Variants in ARNT observed in about 807,000 individuals in gnomAD.
The protein encoded by ARNT is class E basic helix-loop-helix protein 2.
Under a neutral mutation model 105.0 loss-of-function variants are expected in ARNT, and 30 were observed. That is an observed-to-expected ratio of 0.29 (90% CI 0.21 to 0.39). ARNT has a LOEUF of 0.39. Ranked by LOEUF, ARNT falls within the 10% of genes least tolerant of loss-of-function variation. The pLI, the probability that ARNT is intolerant of heterozygous loss-of-function variation, is 1.00. For synonymous variants in ARNT, 304 were observed against 344.0 expected (o/e 0.88, Z 1.29); for missense variants, 748 against 978.7 (o/e 0.76, Z 3.15).
chr1:150,871,294 G>GTT (rs754698911), intron 1 of ARNT, among the ~76,000 whole-genome samples: 110 of 94,638 alleles, frequency 1.2e-3, no homozygotes, highest in Non-Finnish European at 1.2e-3. Flanking sequence ...GGCAGTCGTG[G>GTT]TTTTTTTTTT....
intron 2 of ARNT, among the ~76,000 whole-genome samples, chr1:150,854,664 C>T (rs1421907677): frequency 6.6e-6 from 1 of 151,772 alleles, no homozygotes; most frequent in African/African-American, 2.4e-5. Flanking sequence ...CAAGACCAGC[C>T]CAGTCAACAT....
chr1:150,830,200 G>A (rs1477710861), intron 10 of ARNT: 1 of 460,468 alleles, frequency 2.2e-6, no homozygotes, highest in Non-Finnish European at 3.9e-6. Flanking sequence ...ACAAAAATTA[G>A]CCAGGCATGG....
intron 12 of ARNT, among the ~76,000 whole-genome samples, chr1:150,828,763 T>G (rs1658781115): frequency 6.6e-6 from 1 of 152,236 alleles, no homozygotes; most frequent in Admixed American, 6.5e-5. Context: ...CATTATTCAT[T>G]TAGGTAATTA....
At position 150,839,671 on chromosome 1, in the gene ARNT, A is replaced by G; in HGVS notation, c.273-17T>C. 1 of 1,607,332 alleles carries G rather than the reference A, an allele frequency of 6.2e-7. No homozygotes were observed. Among genetic ancestry groups the G allele is most frequent in the Non-Finnish European group, 8.5e-7 (1 of 1,176,624 alleles). Reference sequence around the variant, plus strand: ...TGATTTTCCCTGCATGGAAAGAAAGAGAAGCCCCATCCAGGTGGTCACATC... The same window carrying G: ...TGATTTTCCCTGCATGGAAAGAAAGGGAAGCCCCATCCAGGTGGTCACATC... On this transcript the variant is annotated splice_polypyrimidine_tract_variant and intron_variant, in intron 5 of 21. Transcript: ENST00000358595.
In ARNT at chr1:150,823,311, A is replaced by C; in HGVS notation, c.1277T>G (p.Met426Arg). ...TTGGTTCTTAGACCGGAACCGGAAC[A>C]TGACAGACAGCACTTGGCCTTTTAA... Reference protein sequence around the residue: ...VKLKGQVLSVMFRFRSKNQEW... With the variant: ...VKLKGQVLSVRFRFRSKNQEW... Residue 426 changes from methionine to arginine, a missense_variant, in exon 14 of 22, where the codon ATG becomes AGG. By Grantham distance (91) the Met-to-Arg change is moderately conservative. This residue lies in a region of ARNT where 291 missense variants were observed against 444.6 expected (regional missense o/e 0.65). Coordinates refer to ENST00000358595, the MANE Select transcript of ARNT (RefSeq NM_001668.4). 1.9e-6 allele frequency: 3 copies of C among 1,613,410 alleles called. No homozygotes were observed. The highest frequency in any genetic ancestry group is 2.5e-6 in the Non-Finnish European group (3 of 1,179,378).
At chr1:150,850,165 A>T (rs1369108366) in intron 3 of ARNT, among the ~76,000 whole-genome samples, 1 of 152,186 alleles carries the variant, frequency 6.6e-6, no homozygotes, top group African/African-American at 2.4e-5. Context: ...AGGAGGGCGG[A>T]TCACGAGGTC....
intron 5 of ARNT, among the ~76,000 whole-genome samples, chr1:150,840,679 T>C (rs1052700361): frequency 6.6e-6 from 1 of 151,794 alleles, no homozygotes; most frequent in African/African-American, 2.4e-5. Context: ...ACTGGAGGAG[T>C]GGAATGGAGA....
intron 1 of ARNT, among the ~76,000 whole-genome samples, chr1:150,871,774 G>A (rs1367399777): frequency 6.6e-6 from 1 of 150,560 alleles, no homozygotes; most frequent in Non-Finnish European, 1.5e-5. Flanking sequence ...CCGGCGTGAT[G>A]GCAGGTGCCT....
In ARNT at chr1:150,836,398, A is replaced by T. The variant is rs587645091; in HGVS notation, c.582T>A (p.Thr194=). 6.2e-7 allele frequency: 1 copy of T among 1,614,166 alleles called. No homozygotes were observed. The highest frequency in any genetic ancestry group is 2.2e-5 in the East Asian group (1 of 44,892). The change falls in exon 7 of 22, where the codon ACT becomes ACA. Residue 194 remains threonine, a synonymous_variant. Coordinates refer to ENST00000358595, the MANE Select transcript of ARNT (RefSeq NM_001668.4). The part of the protein sequence containing the change: ...GRVVYVSDSV[T]PVLNQPQSEW... Reference sequence around the variant, plus strand: ...CAGACTGTGGCTGGTTCAAAACAGGAGTCACGGAGTCAGACACATACACCA... The same window carrying T: ...CAGACTGTGGCTGGTTCAAAACAGGTGTCACGGAGTCAGACACATACACCA...
chr1:150,818,075 A>G (rs774134316), intron 14 of ARNT, 45 bp from the exon 15 acceptor site: 5 of 1,004,080 alleles, frequency 5.0e-6, no homozygotes, highest in South Asian at 1.4e-5. Flanking sequence ...GAGAGGGAGG[A>G]AGGGGGGAGA....
At position 150,867,941 on chromosome 1, in the gene ARNT, C is replaced by A. The variant is rs10305657; in HGVS notation, c.25+8602G>T. 7.7e-3 allele frequency among the ~76,000 whole-genome samples: 1,169 copies of A among 152,254 alleles called. 6 individuals are homozygous for A. The highest frequency in any genetic ancestry group is 0.011 in the Non-Finnish European group (717 of 68,020). On this transcript the variant is annotated intron_variant, in intron 1 of 21. Coordinates refer to ENST00000358595, the MANE Select transcript of ARNT (RefSeq NM_001668.4). ...GGCCTCCCCAGCCCTGCCTCCCATA[C>A]AGCCTGCGGAACTATGAGTCAATTA...
chr1:150,875,479 C>T (rs1285491628), intron 1 of ARNT, among the ~76,000 whole-genome samples: 1 of 151,898 alleles, frequency 6.6e-6, no homozygotes, highest in African/African-American at 2.4e-5. Context: ...GTTTTATTTT[C>T]AAGAAATTCT....
intron 19 of ARNT, among the ~76,000 whole-genome samples, chr1:150,814,780 T>C (rs1571168810): frequency 6.6e-6 from 1 of 151,972 alleles, no homozygotes; most frequent in Non-Finnish European, 1.5e-5. Flanking sequence ...GAGACAGAGG[T>C]TGCAGTGAGC....
intron 18 of ARNT, 116 bp downstream of exon 18, chr1:150,816,672 A>T: frequency 1.6e-6 from 2 of 1,270,580 alleles, no homozygotes; most frequent in Non-Finnish European, 2.1e-6. Flanking sequence ...GCTAGGCCCT[A>T]CAAGCTTCAC....
chr1:150,854,467 G>T, intron 2 of ARNT, among the ~76,000 whole-genome samples: 1 of 151,534 alleles, frequency 6.6e-6, no homozygotes, highest in Non-Finnish European at 1.5e-5. Flanking sequence ...GGGGCGGGAG[G>T]GGCTGCAGGC....
intron 1 of ARNT, among the ~76,000 whole-genome samples, chr1:150,868,271 A>G (rs1285317070): frequency 1.3e-5 from 2 of 152,114 alleles, no homozygotes; most frequent in Non-Finnish European, 2.9e-5. Flanking sequence ...CGTGGGCAAC[A>G]TAGCAAGACC....
chr1:150,864,749 A>C (rs1033607133), intron 1 of ARNT, among the ~76,000 whole-genome samples: 1 of 147,666 alleles, frequency 6.8e-6, no homozygotes, highest in Admixed American at 6.8e-5. Context: ...GTACCCTAAA[A>C]CTTAAAGTAT....
intron 3 of ARNT, among the ~76,000 whole-genome samples, chr1:150,846,720 T>G (rs1455821136): frequency 1.3e-5 from 2 of 152,164 alleles, no homozygotes; most frequent in Admixed American, 1.3e-4. Context: ...TATCTAGAAC[T>G]TTTTCATCTT....
At chr1:150,871,760 T>G (rs1245407675) in intron 1 of ARNT, among the ~76,000 whole-genome samples, 1 of 150,060 alleles carries the variant, frequency 6.7e-6, no homozygotes, top group East Asian at 2.0e-4. Context: ...AAATAAAAAA[T>G]TAGCCGGCGT....
Sources: allele counts gnomAD v4.1 joint callset (sites outside exome capture counted in the v4.1 genomes callset), GRCh38; gene constraint gnomAD v4.1.1; regional missense constraint gnomAD v4.1.1; transcripts MANE v1.5; gene names NCBI Gene and HGNC (gene_info 2026-07-23, HGNC 2026-07-21).